The following MTURN variants were observed in gnomAD, a reference collection of about 807,000 sequenced individuals.
The protein encoded by MTURN is maturin.
In MTURN, 7 loss-of-function variants were observed where a neutral mutation model predicts 14.9. The observed-to-expected ratio is 0.47, with a 90% confidence interval of 0.27 to 0.88. MTURN has a LOEUF of 0.88. MTURN is among the 40% of genes least tolerant of loss of function. MTURN has a pLI of 0.14. For synonymous variants in MTURN, 69 were observed against 72.5 expected (o/e 0.95, Z 0.25); for missense variants, 151 against 174.1 (o/e 0.87, Z 0.75).
intron 2 of MTURN, among the ~76,000 whole-genome samples, chr7:30,155,331 T>C (rs1797271139): frequency 6.6e-6 from 1 of 152,236 alleles, no homozygotes; most frequent in Non-Finnish European, 1.5e-5. Context: ...ATTTATATTT[T>C]ACCAGCTATT....
intron 2 of MTURN, among the ~76,000 whole-genome samples, chr7:30,149,664 G>C (rs73305194): frequency 6.6e-6 from 1 of 152,136 alleles, no homozygotes; most frequent in African/African-American, 2.4e-5. Flanking sequence ...GTTTGTTACA[G>C]ATAAGACATA....
chr7:30,147,829 G>A (rs1345084810), intron 2 of MTURN, among the ~76,000 whole-genome samples: 2 of 152,152 alleles, frequency 1.3e-5, no homozygotes, highest in Non-Finnish European at 2.9e-5. Flanking sequence ...AAAAACCACT[G>A]AAATCCCTTT....
intron 1 of MTURN, chr7:30,137,741 C>A (rs1562566610): frequency 8.8e-6 from 4 of 455,260 alleles, no homozygotes; most frequent in Non-Finnish European, 1.8e-5. Context: ...TGCCTTAGTT[C>A]TTTTCTTTTT....
chr7:30,135,042 G>T lies in MTURN; in HGVS notation c.-95G>T. On this transcript the variant is annotated 5_prime_UTR_variant, in exon 1 of 3. Transcript: ENST00000324453. Reference sequence around the variant, plus strand: ...GCCCAGCCCGGCCCCGGAGGAGCCCGCGCAGGCCGAGCCGAGCGCCGCGCT... The same window carrying T: ...GCCCAGCCCGGCCCCGGAGGAGCCCTCGCAGGCCGAGCCGAGCGCCGCGCT... The T allele has an allele frequency of 9.3e-7, 1 of 1,075,302 alleles. No homozygotes were observed. The highest frequency in any genetic ancestry group is 1.1e-6 in the Non-Finnish European group (1 of 876,078). The allele number at this position is 1,075,302 out of a possible 1,614,324, so 66.6% of individuals were successfully genotyped here.
chr7:30,151,097 C>T (rs996383670), intron 2 of MTURN, among the ~76,000 whole-genome samples: 6 of 152,296 alleles, frequency 3.9e-5, no homozygotes, highest in Non-Finnish European at 7.4e-5. Flanking sequence ...CACCTTCCCT[C>T]GAGTGACCCA....
chr7:30,147,200 G>C (rs536156341), intron 2 of MTURN, among the ~76,000 whole-genome samples: 5 of 152,260 alleles, frequency 3.3e-5, no homozygotes, highest in African/African-American at 9.6e-5. Flanking sequence ...TTTTGTTTCT[G>C]CTAGTTCTCA....
rs1356966703 is a variant in MTURN at position 30,146,035 on chromosome 7, G to A, written c.163-142G>A. 55 of 1,577,562 alleles carry A rather than the reference G, an allele frequency of 3.5e-5. No individual in the cohort carries two copies. The East Asian group carries it at 7.8e-4, about 22-fold the overall frequency. Reference sequence around the variant, plus strand: ...CTTTCAACGCAAACAAATCAAGAACGCATGTATGAATTTTACTGTAGAATG... The same window carrying A: ...CTTTCAACGCAAACAAATCAAGAACACATGTATGAATTTTACTGTAGAATG... On this transcript the variant is annotated intron_variant, in intron 1 of 2. Coordinates refer to ENST00000324453, the MANE Select transcript of MTURN (RefSeq NM_152793.3).
intron 2 of MTURN, among the ~76,000 whole-genome samples, chr7:30,149,040 TG>T: frequency 6.6e-6 from 1 of 152,126 alleles, no homozygotes. Context: ...CTCCCCTCCC[TG>T]CAGAACTGGC....
intron 2 of MTURN, among the ~76,000 whole-genome samples, chr7:30,148,633 T>G: frequency 6.6e-6 from 1 of 152,020 alleles, no homozygotes; most frequent in East Asian, 1.9e-4. Context: ...GGAGATACCT[T>G]GAGAGTAGAC....
chr7:30,137,463 C>G, intron 1 of MTURN: 1 of 388,508 alleles, frequency 2.6e-6, no homozygotes, highest in Non-Finnish European at 5.3e-6. Flanking sequence ...TCAGGCCTTT[C>G]TCTTGAGGCC....
intron 1 of MTURN, among the ~76,000 whole-genome samples, chr7:30,140,140 G>T (rs1456491323): frequency 6.6e-6 from 1 of 152,126 alleles, no homozygotes; most frequent in Non-Finnish European, 1.5e-5. Flanking sequence ...CACGAGAAAT[G>T]AGGTCTCTGA....
At chr7:30,135,341 G>C (rs1322703038) in intron 1 of MTURN, 43 bp downstream of exon 1, 6 of 1,467,254 alleles carry the variant, frequency 4.1e-6, no homozygotes, top group Non-Finnish European at 5.4e-6. Flanking sequence ...GCGGGAGTGT[G>C]GACGCGGCGG....
chr7:30,139,487 T>C (rs1188388029), intron 1 of MTURN, among the ~76,000 whole-genome samples: 1 of 152,186 alleles, frequency 6.6e-6, no homozygotes, highest in Non-Finnish European at 1.5e-5. Context: ...CAATCTAGAC[T>C]GGGTTCAGGG....
rs1236388460 is a variant in MTURN, at chr7:30,162,761, T to C, written c.*5213T>C. On this transcript the variant is annotated 3_prime_UTR_variant, in exon 3 of 3. Coordinates refer to ENST00000324453, the MANE Select transcript of MTURN (RefSeq NM_152793.3). ...CTTGCTATTAAAGAGCCTTTCAAAC[T>C]CTGGTGGTGTTTGCCTCTTTTTTTC... 6.6e-6 allele frequency: 1 copy of C among 152,374 alleles called. No individual in the cohort carries two copies. The highest frequency in any genetic ancestry group is 6.5e-5 in the Admixed American group (1 of 15,270). The allele number at this position is 152,374 out of a possible 1,614,324, so 9.4% of individuals were successfully genotyped here. A position where few individuals can be genotyped will look rare whatever the true frequency, so the allele number is the denominator to read the frequency against.
chr7:30,149,228 G>A (rs543541675), intron 2 of MTURN, among the ~76,000 whole-genome samples: 1 of 152,370 alleles, frequency 6.6e-6, no homozygotes, highest in East Asian at 1.9e-4. Flanking sequence ...TCTTTCAGGT[G>A]GCGCTGAGAT....
In MTURN at chr7:30,135,018, C is replaced by A; in HGVS notation, c.-119C>A. 2.2e-6 allele frequency: 2 copies of A among 899,622 alleles called. No individual in the cohort carries two copies. Among genetic ancestry groups the A allele is most frequent in the Non-Finnish European group, 2.7e-6 (2 of 732,584 alleles). The allele number at this position is 899,622 out of a possible 1,614,324, so 55.7% of individuals were successfully genotyped here. On this transcript the variant is annotated 5_prime_UTR_variant, in exon 1 of 3. Transcript: ENST00000324453. ...ACCGCATGTAAACAGTCCCAGCCGGCCCAGCCCGGCCCCGGAGGAGCCCGC... is the reference window on the plus strand; with the variant it reads ...ACCGCATGTAAACAGTCCCAGCCGGACCAGCCCGGCCCCGGAGGAGCCCGC...
At chr7:30,157,363 G>C in intron 2 of MTURN, 75 bp from the exon 3 acceptor site, 1 of 1,273,496 alleles carries the variant, frequency 7.9e-7, no homozygotes, top group East Asian at 2.7e-5. Flanking sequence ...ATGTGGATCC[G>C]ATGCCTTTGG....
In MTURN at chr7:30,157,483, A is replaced by G; in HGVS notation, c.331A>G (p.Ser111Gly). 3 of 1,608,240 alleles carry G rather than the reference A, an allele frequency of 1.9e-6. No homozygotes were observed. Among genetic ancestry groups the G allele is most frequent in the Non-Finnish European group, 2.5e-6 (3 of 1,177,642 alleles). The change falls in exon 3 of 3, where the codon AGT (serine) becomes GGT (glycine). Residue 111 changes from serine to glycine, a missense_variant. Physicochemically the swap from Ser to Gly is moderately conservative, Grantham distance 56. Coordinates refer to ENST00000324453, the MANE Select transcript of MTURN (RefSeq NM_152793.3). ...DADDDAFEEY[S>G]ADVEEEEPEA... ...AGATGACGATGCGTTTGAAGAGTACAGTGCTGACGTGGAAGAAGAGGAGCC... is the reference window on the plus strand; with the variant it reads ...AGATGACGATGCGTTTGAAGAGTACGGTGCTGACGTGGAAGAAGAGGAGCC...
chr7:30,148,747 T>C (rs552081106), intron 2 of MTURN, among the ~76,000 whole-genome samples: 77 of 151,752 alleles, frequency 5.1e-4, no homozygotes, highest in Non-Finnish European at 8.5e-4. Flanking sequence ...GCCTAGTCAT[T>C]TACTGAGATG....
Sources: gnomAD v4.1 joint callset for allele counts (sites outside exome capture counted in the v4.1 genomes callset) on GRCh38, gnomAD v4.1.1 for gene constraint, MANE v1.5 for transcripts, NCBI Gene and HGNC (gene_info 2026-07-23, HGNC 2026-07-21) for gene names.